Variants in SUPT3H observed in about 807,000 individuals in gnomAD.
SUPT3H encodes the protein SPT3 homolog, SAGA and STAGA complex component, also known as transcription initiation protein SPT3 homolog.
SUPT3H carries 44 observed loss-of-function variants against 44.3 expected under a neutral mutation model. The ratio of observed to expected loss-of-function variants is 0.99; its 90% CI spans 0.78 to 1.28. The LOEUF is 1.28. SUPT3H is among the 50% of genes most tolerant of loss of function. SUPT3H has a pLI of 0.00. For synonymous variants in SUPT3H, 124 were observed against 125.6 expected (o/e 0.99, Z 0.09); for missense variants, 380 against 387.1 (o/e 0.98, Z 0.15).
chr6:44,832,305 CCA>C (rs1169155236), intron 10 of SUPT3H, among the ~76,000 whole-genome samples: 4 of 152,126 alleles, frequency 2.6e-5, no homozygotes, highest in African/African-American at 9.7e-5. Flanking sequence ...CTTCCAGAGG[CCA>C]CATTCTCATG....
intron 6 of SUPT3H, among the ~76,000 whole-genome samples, chr6:44,982,994 A>G (rs72867405): frequency 0.015 from 2,220 of 152,320 alleles, 25 homozygotes; most frequent in South Asian, 0.029. Flanking sequence ...GAGGCTAAAT[A>G]TTAAATCTGT....
intron 6 of SUPT3H, among the ~76,000 whole-genome samples, chr6:44,997,755 CATG>C (rs555160983): frequency 1.3e-5 from 2 of 151,774 alleles, no homozygotes; most frequent in Non-Finnish European, 2.9e-5. Context: ...TTAAAACTAT[CATG>C]ATGTCTGTTC....
chr6:45,034,671 T>A lies in SUPT3H; in HGVS notation c.187-14039A>T, dbSNP rs1321285758. 2.6e-5 allele frequency among the ~76,000 whole-genome samples: 4 copies of A among 152,158 alleles called. No homozygotes were observed. In the East Asian group the frequency reaches 7.7e-4, roughly 29 times the overall value. The stretch of plus-strand genomic sequence containing the variant: ...GAAAGGACAACACCAATAATAACAG[T>A]AACAAGAACATAAATTAGCATTTGT... On this transcript the variant is annotated intron_variant, in intron 3 of 10. Coordinates refer to ENST00000371459, the MANE Select transcript of SUPT3H (RefSeq NM_003599.4).
At chr6:44,943,132 A>G (rs1772734090) in intron 9 of SUPT3H, among the ~76,000 whole-genome samples, 1 of 152,180 alleles carries the variant, frequency 6.6e-6, no homozygotes, top group African/African-American at 2.4e-5. Context: ...GCACAAAATA[A>G]AATACATTTG....
intron 2 of SUPT3H, among the ~76,000 whole-genome samples, chr6:45,235,724 G>A (rs984644431): frequency 8.5e-5 from 13 of 152,142 alleles, no homozygotes; most frequent in Admixed American, 7.9e-4. Flanking sequence ...AGGCAGATTA[G>A]GAGTGTGCTG....
intron 10 of SUPT3H, among the ~76,000 whole-genome samples, chr6:44,845,252 C>T (rs528940117): frequency 5.9e-5 from 9 of 152,134 alleles, no homozygotes; most frequent in Middle Eastern, 3.2e-3. Flanking sequence ...AAAACAGATA[C>T]GTGAGGCATA....
chr6:44,823,927 C>T (rs999206760), downstream of SUPT3H, among the ~76,000 whole-genome samples: 2 of 152,202 alleles, frequency 1.3e-5, no homozygotes, highest in East Asian at 1.9e-4. Flanking sequence ...CGAGCCATTG[C>T]ACTCCAGCCT....
At chr6:45,166,179 GCTACTTA>G (rs1466977175) in intron 2 of SUPT3H, among the ~76,000 whole-genome samples, 1 of 152,132 alleles carries the variant, frequency 6.6e-6, no homozygotes, top group African/African-American at 2.4e-5. Flanking sequence ...TGTGGTCCCA[GCTACTTA>G]AGAAGCTGAG....
chr6:44,817,580 C>CTA (rs1359913327), intron 11 of SUPT3H, among the ~76,000 whole-genome samples: 1 of 151,992 alleles, frequency 6.6e-6, no homozygotes, highest in Non-Finnish European at 1.5e-5. Flanking sequence ...CCCGAAGAAA[C>CTA]TATAACTGCC....
At chr6:45,158,299 T>TA (rs1491302388) in intron 2 of SUPT3H, among the ~76,000 whole-genome samples, 950 of 13,390 alleles carry the variant, frequency 0.071, 40 homozygotes, top group South Asian at 0.11. Context: ...TATATATATA[T>TA]TTTTTTTTTT....
chr6:44,895,721 G>C (rs1311579925), intron 10 of SUPT3H, among the ~76,000 whole-genome samples: 2 of 151,992 alleles, frequency 1.3e-5, no homozygotes, highest in Non-Finnish European at 2.9e-5. Flanking sequence ...CACTTACCCA[G>C]GGCAGAACCA....
chr6:45,123,588 CA>C (rs1296947336), intron 2 of SUPT3H, among the ~76,000 whole-genome samples: 1 of 151,314 alleles, frequency 6.6e-6, no homozygotes, highest in African/African-American at 2.4e-5. Context: ...TGTACTATTA[CA>C]AAAAATAAAA....
At chr6:44,838,694 C>T (rs1770386472) in intron 10 of SUPT3H, among the ~76,000 whole-genome samples, 1 of 152,152 alleles carries the variant, frequency 6.6e-6, no homozygotes, top group Non-Finnish European at 1.5e-5. Flanking sequence ...AAGCATTCAA[C>T]CAAGTGATTC....
At chr6:45,050,678 T>C (rs987372126) in intron 3 of SUPT3H, among the ~76,000 whole-genome samples, 2 of 152,158 alleles carry the variant, frequency 1.3e-5, no homozygotes, top group Non-Finnish European at 2.9e-5. Flanking sequence ...TTTTGCATGT[T>C]GATAATACAA....
intron 3 of SUPT3H, among the ~76,000 whole-genome samples, chr6:45,041,609 GAAAA>G (rs1435590638): frequency 1.3e-5 from 2 of 152,112 alleles, no homozygotes; most frequent in African/African-American, 4.8e-5. Flanking sequence ...TTCCAAATCA[GAAAA>G]ATTGCTTTTG....
At chr6:44,825,148 G>T (rs1400220335), downstream of SUPT3H, among the ~76,000 whole-genome samples, 1 of 152,180 alleles carries the variant, frequency 6.6e-6, no homozygotes, top group Non-Finnish European at 1.5e-5. Flanking sequence ...ATGGATCTTT[G>T]AGGAATTTTT....
At chr6:45,167,427 T>C (rs1810069099) in intron 2 of SUPT3H, among the ~76,000 whole-genome samples, 1 of 152,244 alleles carries the variant, frequency 6.6e-6, no homozygotes, top group Admixed American at 6.5e-5. Context: ...TTCTAATCCC[T>C]ATGTGAGAGA....
intron 3 of SUPT3H, among the ~76,000 whole-genome samples, chr6:45,031,624 A>T (rs1479618630): frequency 1.3e-5 from 2 of 152,206 alleles, no homozygotes; most frequent in Non-Finnish European, 1.5e-5. Context: ...AACTAAAGAG[A>T]GGTGAATATC....
intron 10 of SUPT3H, among the ~76,000 whole-genome samples, chr6:44,925,193 A>C (rs1010886184): frequency 6.6e-6 from 1 of 152,182 alleles, no homozygotes; most frequent in Non-Finnish European, 1.5e-5. Flanking sequence ...AAATGGGCAC[A>C]GTAATCTGAG....
Sources: allele counts gnomAD v4.1 joint callset (sites outside exome capture counted in the v4.1 genomes callset), GRCh38; gene constraint gnomAD v4.1.1; transcripts MANE v1.5; gene names NCBI Gene and HGNC (gene_info 2026-07-23, HGNC 2026-07-21).